Variants in COX6B1 observed in about 807,000 individuals in gnomAD.
COX6B1 encodes the protein COX VIb-1.
A neutral mutation model predicts 14.0 loss-of-function variants in COX6B1; 2 were observed. The observed-to-expected ratio is 0.14, with a 90% CI of 0.06 to 0.45. The LOEUF is 0.45. Among genes scored for constraint, COX6B1 ranks in the 20% least tolerant of loss-of-function variants. The pLI, the probability that COX6B1 is intolerant of heterozygous loss-of-function variation, is 0.98. For synonymous variants in COX6B1, 30 were observed against 39.7 expected, an observed-to-expected ratio of 0.76 and a Z score of 0.92; for missense variants, 81 against 114.2, an observed-to-expected ratio of 0.71 and a Z score of 1.33.
At chr19:35,649,695 G>C (rs1967803117) in intron 1 of COX6B1, among the ~76,000 whole-genome samples, 1 of 152,088 alleles carries the variant, frequency 6.6e-6, no homozygotes, top group African/African-American at 2.4e-5. Context: ...GGCCAAGCTG[G>C]TCTTGAACTC....
chr19:35,654,521 A>T, intron 2 of COX6B1, 50 bp from the exon 3 acceptor site: 1 of 1,558,312 alleles, frequency 6.4e-7, no homozygotes, highest in Non-Finnish European at 8.9e-7. Context: ...AAAAAAAAAA[A>T]ATGTGTTCCA....
chr19:35,650,916 C>T (rs1040647910), intron 1 of COX6B1, among the ~76,000 whole-genome samples: 2 of 152,110 alleles, frequency 1.3e-5, no homozygotes, highest in Non-Finnish European at 2.9e-5. Context: ...GTAATAGTTC[C>T]TACCTTTTAG....
intron 3 of COX6B1, among the ~76,000 whole-genome samples, chr19:35,657,912 C>T (rs766180206): frequency 6.6e-6 from 1 of 152,126 alleles, no homozygotes; most frequent in African/African-American, 2.4e-5. Flanking sequence ...CCACCTTTGC[C>T]TCCCAAAGTG....
At position 35,648,353 on chromosome 19, in the gene COX6B1, T is replaced by G. The variant is rs961846100; in HGVS notation, c.-62T>G. ...TTCCGCTTCCTGTCCGACTGTGGTGTCTTTGCTGAGGGTCACATTGAGCTG... is the reference window on the plus strand; with the variant it reads ...TTCCGCTTCCTGTCCGACTGTGGTGGCTTTGCTGAGGGTCACATTGAGCTG... On this transcript the variant is annotated 5_prime_UTR_variant, in exon 1 of 4. Transcript: ENST00000649813. The G allele has an allele frequency of 6.5e-6, 1 of 154,850 alleles. No individual in the cohort carries two copies. The highest frequency in any genetic ancestry group is 1.4e-5 in the Non-Finnish European group (1 of 69,518). 9.6% of individuals were successfully genotyped at this position (154,850 alleles called of 1,614,324 possible).
intron 1 of COX6B1, chr19:35,648,791 C>G: frequency 1.9e-6 from 1 of 526,862 alleles, no homozygotes; most frequent in Admixed American, 2.0e-5. Flanking sequence ...TCGCGGCTTG[C>G]CTGGGCCGCA....
chr19:35,654,744 G>A, intron 3 of COX6B1, 73 bp downstream of exon 3: 7 of 1,373,572 alleles, frequency 5.1e-6, no homozygotes, highest in Non-Finnish European at 7.3e-6. Context: ...GTGGCTTGGT[G>A]GGAGCTCATC....
At chr19:35,655,894 G>A (rs955840691) in intron 3 of COX6B1, among the ~76,000 whole-genome samples, 11 of 150,958 alleles carry the variant, frequency 7.3e-5, no homozygotes, top group African/African-American at 2.7e-4. Context: ...GCCTTGCTCT[G>A]TTGCCCAGAC....
intron 3 of COX6B1, among the ~76,000 whole-genome samples, chr19:35,657,698 G>A (rs1200847949): frequency 7.0e-6 from 1 of 143,144 alleles, no homozygotes; most frequent in Non-Finnish European, 1.5e-5. Context: ...CTGTCAGGCT[G>A]GAGTGCGGTG....
chr19:35,649,018 G>C (rs1967794242), intron 1 of COX6B1: 3 of 487,568 alleles, frequency 6.2e-6, no homozygotes, highest in African/African-American at 2.0e-5. Context: ...ACCTTGCGTC[G>C]CTTGAATTTG....
chr19:35,652,987 G>A lies in COX6B1; in HGVS notation c.107-1584G>A, dbSNP rs1262785522. Among the ~76,000 whole-genome samples the A allele has an allele frequency of 9.0e-5, 4 of 44,662 alleles. No homozygotes were observed. The East Asian group carries it at 3.1e-3, about 35-fold the overall frequency. 29.3% of individuals were successfully genotyped at this position (44,662 alleles called of 152,430 possible). Reference sequence around the variant, plus strand: ...CTAATTTTTTTTTTTTTTTTTTTTTGAGACGGAGTCTCGCTTTGTCGCCCA... The same window carrying A: ...CTAATTTTTTTTTTTTTTTTTTTTTAAGACGGAGTCTCGCTTTGTCGCCCA... On this transcript the variant is annotated intron_variant, in intron 2 of 3. Transcript: ENST00000649813.
At chr19:35,656,636 A>G (rs950693560) in intron 3 of COX6B1, among the ~76,000 whole-genome samples, 1 of 152,006 alleles carries the variant, frequency 6.6e-6, no homozygotes, top group Non-Finnish European at 1.5e-5. Context: ...GCCTGCCACC[A>G]TGCCCAGCTG....
chr19:35,648,690 A>G (rs1481744758), intron 1 of COX6B1: 12 of 383,272 alleles, frequency 3.1e-5, no homozygotes, highest in Admixed American at 3.1e-4. Context: ...AGAGATACCA[A>G]GCGACCTAGC....
At chr19:35,657,991 C>T (rs903451342) in intron 3 of COX6B1, among the ~76,000 whole-genome samples, 3 of 151,966 alleles carry the variant, frequency 2.0e-5, no homozygotes, top group South Asian at 4.1e-4. Context: ...GGGGTCTTGC[C>T]GTGTTGTCCA....
In COX6B1 at chr19:35,654,645, T is replaced by C; in HGVS notation, c.181T>C (p.Tyr61His). Residue 61 changes from tyrosine (Y) to histidine (H), a missense_variant, in exon 3 of 4, where the codon TAC becomes CAC. Coordinates refer to ENST00000649813, the MANE Select transcript of COX6B1 (RefSeq NM_001863.5). ...ISVCEWYQRV[Y>H]QSLCPTSWVT... Reference sequence around the variant, plus strand: ...TGTGTGCGAATGGTACCAGCGTGTGTACCAGTCCCTCTGCCCCACATCCTG... The same window carrying C: ...TGTGTGCGAATGGTACCAGCGTGTGCACCAGTCCCTCTGCCCCACATCCTG... The C allele has an allele frequency of 6.2e-7, 1 of 1,614,190 alleles. No homozygotes were observed. Among genetic ancestry groups the C allele is most frequent in the Non-Finnish European group, 8.5e-7 (1 of 1,180,030 alleles).
chr19:35,650,709 GAAA>G (rs11426803), intron 1 of COX6B1, among the ~76,000 whole-genome samples: 1 of 145,078 alleles, frequency 6.9e-6, no homozygotes, highest in Admixed American at 6.9e-5. Flanking sequence ...CTTAAAAAAA[GAAA>G]AAAAAAAACA....
chr19:35,648,710 A>G (rs937981945), intron 1 of COX6B1: 1 of 411,146 alleles, frequency 2.4e-6, no homozygotes. Flanking sequence ...CTGAACCTAC[A>G]CAGCGACCAG....
intron 1 of COX6B1, among the ~76,000 whole-genome samples, chr19:35,650,603 G>C (rs902079174): frequency 6.6e-6 from 1 of 152,056 alleles, no homozygotes; most frequent in Admixed American, 6.6e-5. Context: ...AGCTGTTCGG[G>C]AGGCTGAGGC....
intron 3 of COX6B1, among the ~76,000 whole-genome samples, chr19:35,656,115 C>A (rs1235090716): frequency 6.6e-6 from 1 of 152,188 alleles, no homozygotes; most frequent in Non-Finnish European, 1.5e-5. Context: ...TAGGCATGAG[C>A]TACCGCACCC....
intron 3 of COX6B1, 144 bp downstream of exon 3, chr19:35,654,815 C>T (rs906654889): frequency 1.3e-5 from 9 of 697,726 alleles, no homozygotes; most frequent in Non-Finnish European, 1.2e-5. Flanking sequence ...CCTTTCCTCC[C>T]GCCTAGAATT....
Sources: allele counts gnomAD v4.1 joint callset (sites outside exome capture counted in the v4.1 genomes callset), GRCh38; gene constraint gnomAD v4.1.1; transcripts MANE v1.5; gene names NCBI Gene and HGNC (gene_info 2026-07-23, HGNC 2026-07-21).